SNRK: variants seen among roughly 807,000 people sequenced by gnomAD.
The protein encoded by SNRK is SNF related kinase.
In SNRK, 3 loss-of-function variants were observed where a neutral mutation model predicts 48.2. The observed-to-expected ratio is 0.06, with a 90% confidence interval of 0.03 to 0.16. SNRK has a LOEUF of 0.16. SNRK is among the 10% of genes least tolerant of loss of function. SNRK has a pLI of 1.00. For missense variants in SNRK, 627 were observed against 976.0 expected (o/e 0.64, Z 4.76); for synonymous variants, 376 against 366.1 (o/e 1.03, Z -0.31).
intron 1 of SNRK, among the ~76,000 whole-genome samples, chr3:43,292,132 A>G (rs2090816850): frequency 6.6e-6 from 1 of 152,230 alleles, no homozygotes; most frequent in South Asian, 2.1e-4. Context: ...ATTAGAAATA[A>G]GACAAAAATC....
rs972265094 is a variant in SNRK at position 43,292,160 on chromosome 3, C to T, written c.-169+5485C>T. On this transcript the variant is annotated intron_variant, in intron 1 of 6. Transcript: ENST00000296088. ...CAAAAATCCATGGTTTTGCTTTACT[C>T]GTTTCTGTATAAACCTGCTTAGGTT... Among the ~76,000 whole-genome samples the T allele has an allele frequency of 5.7e-4, 87 of 152,254 alleles. 1 individual carries two copies. The highest frequency in any genetic ancestry group is 2.1e-3 in the African/African-American group (87 of 41,536).
At chr3:43,299,322 C>T (rs1467162986) in intron 1 of SNRK, among the ~76,000 whole-genome samples, 1 of 152,082 alleles carries the variant, frequency 6.6e-6, no homozygotes, top group Non-Finnish European at 1.5e-5. Context: ...GGATTACAGG[C>T]GCCCGCCTCC....
intron 1 of SNRK, among the ~76,000 whole-genome samples, chr3:43,294,032 A>G (rs1488101721): frequency 6.6e-6 from 1 of 152,230 alleles, no homozygotes; most frequent in Non-Finnish European, 1.5e-5. Flanking sequence ...GCCTCAAAAT[A>G]TGGTAGCATA....
chr3:43,337,168 A>G (rs2091196493), intron 4 of SNRK, among the ~76,000 whole-genome samples: 1 of 151,614 alleles, frequency 6.6e-6, no homozygotes, highest in Admixed American at 6.6e-5. Flanking sequence ...CCACCTCCCA[A>G]GTTCAAGTGA....
intron 3 of SNRK, among the ~76,000 whole-genome samples, chr3:43,331,011 T>C (rs1474040325): frequency 1.4e-4 from 22 of 152,254 alleles, no homozygotes; most frequent in Admixed American, 1.4e-3. Flanking sequence ...AAAGATATTT[T>C]ATTAAGTTTT....
chr3:43,302,071 A>G (rs1202452979), intron 2 of SNRK, among the ~76,000 whole-genome samples: 1 of 152,192 alleles, frequency 6.6e-6, no homozygotes, highest in Non-Finnish European at 1.5e-5. Context: ...GTAAGAATGC[A>G]TGCCTGTTTA....
chr3:43,306,515 T>G (rs1301163931), intron 3 of SNRK, among the ~76,000 whole-genome samples: 1 of 152,150 alleles, frequency 6.6e-6, no homozygotes, highest in Non-Finnish European at 1.5e-5. Context: ...ACTTTTTGTT[T>G]TAGATGTCAT....
intron 6 of SNRK, 55 bp downstream of exon 6, chr3:43,343,533 C>CT (rs372669640): frequency 0.13 from 160,308 of 1,268,112 alleles, 1 homozygote; most frequent in Non-Finnish European, 0.13. Flanking sequence ...AAATAGCGAA[C>CT]TTTTTTTTTT....
chr3:43,347,565 G>A lies in SNRK; in HGVS notation c.1306G>A (p.Ala436Thr), dbSNP rs989523499. ...TVPPASLKPTASGRKCLFRVE... is the reference protein window; with the variant it reads ...TVPPASLKPTTSGRKCLFRVE... Reference sequence around the variant, plus strand: ...GCCACCCGCAAGCTTAAAACCCACAGCCAGTGGGCGGAAGTGTCTGTTCAG... The same window carrying A: ...GCCACCCGCAAGCTTAAAACCCACAACCAGTGGGCGGAAGTGTCTGTTCAG... Residue 436 changes from alanine to threonine, a missense_variant, in exon 7 of 7, where the codon GCC becomes ACC. Around this residue, in one of 4 missense-constraint regions of SNRK, gnomAD observed 175 missense variants for 209.7 expected, o/e 0.83. Transcript: ENST00000296088. This position sits in a 1 kb window ranked among gnomAD's most constrained non-coding sequence, Gnocchi z 5.4. 7.4e-6 allele frequency: 12 copies of A among 1,613,922 alleles called. No individual in the cohort carries two copies. Among genetic ancestry groups the A allele is most frequent in the African/African-American group, 1.3e-5 (1 of 74,920 alleles).
intron 1 of SNRK, among the ~76,000 whole-genome samples, chr3:43,297,539 A>AAGCGAT (rs1340506031): frequency 1.3e-5 from 2 of 152,072 alleles, no homozygotes; most frequent in Non-Finnish European, 2.9e-5. Flanking sequence ...CCAAAATGTA[A>AAGCGAT]AGCGATGTTA....
chr3:43,348,023 T>G lies in SNRK; in HGVS notation c.1764T>G (p.Asn588Lys). The change falls in exon 7 of 7, where the codon AAT becomes AAG. Residue 588 changes from asparagine (N) to lysine (K), a missense_variant. Transcript: ENST00000296088. ...GDGGGQSKPS[N>K]ASGGVDKASP... is the part of the protein sequence containing the mutation. ...GCGGGGGCCAGAGCAAGCCAAGCAA[T>G]GCCAGTGGAGGGGTGGACAAGGCCA... The G allele has an allele frequency of 3.1e-6, 5 of 1,611,608 alleles. No individual in the cohort carries two copies. The highest frequency in any genetic ancestry group is 4.2e-6 in the Non-Finnish European group (5 of 1,178,628).
At chr3:43,313,095 C>T (rs2090990593) in intron 3 of SNRK, among the ~76,000 whole-genome samples, 1 of 152,098 alleles carries the variant, frequency 6.6e-6, no homozygotes, top group Non-Finnish European at 1.5e-5. Flanking sequence ...ATAACTAAAA[C>T]AATTATGAAA....
chr3:43,311,848 C>G (rs2125625955), intron 3 of SNRK, among the ~76,000 whole-genome samples: 1 of 152,170 alleles, frequency 6.6e-6, no homozygotes, highest in African/African-American at 2.4e-5. Context: ...GTCAGAGCAG[C>G]ATTAGGAAAG....
chr3:43,291,992 A>T (rs755188084), intron 1 of SNRK, among the ~76,000 whole-genome samples: 2 of 152,234 alleles, frequency 1.3e-5, no homozygotes, highest in Non-Finnish European at 2.9e-5. Flanking sequence ...GAATTAAATG[A>T]TATAATGTAA....
chr3:43,289,542 A>T (rs1432775897), intron 1 of SNRK, among the ~76,000 whole-genome samples: 1 of 152,200 alleles, frequency 6.6e-6, no homozygotes, highest in South Asian at 2.1e-4. Flanking sequence ...ACGAGTGAGC[A>T]CTGGAACTGT....
intron 3 of SNRK, among the ~76,000 whole-genome samples, chr3:43,330,788 T>C (rs1487009310): frequency 3.3e-5 from 5 of 152,240 alleles, no homozygotes; most frequent in African/African-American, 1.2e-4. Flanking sequence ...TTAGGGAGAC[T>C]GCAGAGCCAA....
chr3:43,313,778 G>A (rs988417460), intron 3 of SNRK, among the ~76,000 whole-genome samples: 1 of 152,186 alleles, frequency 6.6e-6, no homozygotes, highest in East Asian at 1.9e-4. Flanking sequence ...ACTATTGGGG[G>A]AAACTGGGTG....
chr3:43,293,311 A>C (rs1455573679), intron 1 of SNRK, among the ~76,000 whole-genome samples: 1 of 152,158 alleles, frequency 6.6e-6, no homozygotes, highest in East Asian at 1.9e-4. Flanking sequence ...ATTTCATTGA[A>C]TATGCCTTGT....
At chr3:43,315,767 A>G (rs2091008963) in intron 3 of SNRK, among the ~76,000 whole-genome samples, 1 of 152,234 alleles carries the variant, frequency 6.6e-6, no homozygotes, top group African/African-American at 2.4e-5. Flanking sequence ...CATAGTCACC[A>G]GTGTAATATT....
Sources: gnomAD v4.1 joint callset for allele counts (sites outside exome capture counted in the v4.1 genomes callset) on GRCh38, gnomAD v4.1.1 for gene constraint, gnomAD v4.1.1 regional missense constraint, Gnocchi (gnomAD v3.1) non-coding constraint, MANE v1.5 for transcripts, NCBI Gene and HGNC (gene_info 2026-07-23, HGNC 2026-07-21) for gene names.